HDAC9: variants seen among roughly 807,000 people sequenced by gnomAD.
HDAC9 encodes histone deacetylase 9.
HDAC9 carries 41 observed loss-of-function variants against 139.4 expected under a neutral mutation model. The ratio of observed to expected loss-of-function variants is 0.29; its 90% CI spans 0.23 to 0.38. HDAC9 has a LOEUF of 0.38. Among genes scored for constraint, HDAC9 ranks in the 10% least tolerant of loss-of-function variants. The pLI, the probability that HDAC9 is intolerant of heterozygous loss-of-function variation, is 1.00. For missense variants in HDAC9, 1,147 were observed against 1,297.0 expected (o/e 0.88, Z 1.78); for synonymous variants, 517 against 476.2 (o/e 1.09, Z -1.12).
chr7:18,767,181 TTAAA>T, intron 16 of HDAC9, 26 bp downstream of exon 16: 2 of 1,366,064 alleles, frequency 1.5e-6, no homozygotes, highest in South Asian at 2.7e-5. Flanking sequence ...TTTACTGCCT[TTAAA>T]TAACATAAAA....
intron 1 of HDAC9, among the ~76,000 whole-genome samples, chr7:18,362,978 CT>C (rs1207482176): frequency 2.0e-5 from 3 of 152,032 alleles, no homozygotes; most frequent in African/African-American, 7.2e-5. Flanking sequence ...ATTCAAATAC[CT>C]GGAGATACCA....
At chr7:18,089,344 A>G (rs1469882832) in intron 1 of HDAC9, among the ~76,000 whole-genome samples, 1 of 152,202 alleles carries the variant, frequency 6.6e-6, no homozygotes, top group Non-Finnish European at 1.5e-5. Context: ...CTTTTGTAGA[A>G]ATAATGATGG....
chr7:18,245,719 G>A (rs1054347967), intron 2 of HDAC9, among the ~76,000 whole-genome samples: 2 of 152,156 alleles, frequency 1.3e-5, no homozygotes, highest in Non-Finnish European at 2.9e-5. Context: ...ATAAGATTAA[G>A]TTAAATTCTC....
rs1786573015 is a variant in HDAC9 at position 18,998,226 on chromosome 7, A to G, written c.*2164A>G. 1.0e-5 allele frequency: 1 copy of G among 95,310 alleles called. No individual in the cohort carries two copies. Among genetic ancestry groups the G allele is most frequent in the South Asian group, 4.1e-4 (1 of 2,438 alleles). The allele number at this position is 95,310 out of a possible 1,614,324, so 5.9% of individuals were successfully genotyped here. A position where few individuals can be genotyped will look rare whatever the true frequency, so the allele number is the denominator to read the frequency against. ...TGTCATTACTTTTTAGTCCTCCCAG[A>G]TATTTTTTTAGTTGTTGAATAAGAA... On this transcript the variant is annotated 3_prime_UTR_variant, in exon 26 of 26. Coordinates refer to ENST00000686413, the MANE Select transcript of HDAC9 (RefSeq NM_178425.4).
chr7:18,117,605 T>C (rs1000936203), intron 1 of HDAC9, among the ~76,000 whole-genome samples: 4 of 151,652 alleles, frequency 2.6e-5, no homozygotes, highest in Admixed American at 2.6e-4. Context: ...AGCATTGAAT[T>C]GATGCATTGG....
chr7:18,919,806 TA>T (rs1803527373), intron 22 of HDAC9, among the ~76,000 whole-genome samples: 1 of 152,052 alleles, frequency 6.6e-6, no homozygotes. Flanking sequence ...TGTTGACTAC[TA>T]AAAAGTAATA....
intron 2 of HDAC9, among the ~76,000 whole-genome samples, chr7:18,529,049 C>G (rs1275430821): frequency 6.6e-6 from 1 of 152,022 alleles, no homozygotes; most frequent in South Asian, 2.1e-4. Context: ...AAACATTTGT[C>G]TGGGTATTAA....
intron 17 of HDAC9, among the ~76,000 whole-genome samples, chr7:18,811,371 A>G (rs1209445478): frequency 6.6e-6 from 1 of 151,814 alleles, no homozygotes; most frequent in Non-Finnish European, 1.5e-5. Context: ...CCAATACAGC[A>G]TTTATTGCTA....
In HDAC9 at chr7:18,695,457, T is replaced by C. The variant is rs77656442; in HGVS notation, c.1731+28981T>C. ...CACAGTCCATGTTGACTCAACATTT[T>C]TGGAGATTGATTTGAAAGAGTAGAA... On this transcript the variant is annotated intron_variant, in intron 12 of 25. Coordinates refer to ENST00000686413, the MANE Select transcript of HDAC9 (RefSeq NM_178425.4). Among the ~76,000 whole-genome samples the C allele has an allele frequency of 3.6e-3, 542 of 152,250 alleles. 6 individuals are homozygous for C. Among genetic ancestry groups the C allele is most frequent in the African/African-American group, 0.013 (522 of 41,540 alleles).
intron 1 of HDAC9, among the ~76,000 whole-genome samples, chr7:18,139,282 C>T (rs1037873007): frequency 6.6e-6 from 1 of 151,824 alleles, no homozygotes; most frequent in African/African-American, 2.4e-5. Context: ...TGTGTCACCA[C>T]GACTGGCTAA....
At chr7:18,178,599 A>G (rs1056571831) in intron 2 of HDAC9, among the ~76,000 whole-genome samples, 4 of 152,174 alleles carry the variant, frequency 2.6e-5, no homozygotes, top group Admixed American at 2.0e-4. Context: ...ATGCTTATAA[A>G]CCACCTCTCT....
chr7:18,673,029 T>C (rs1286232688), intron 12 of HDAC9, among the ~76,000 whole-genome samples: 1 of 152,060 alleles, frequency 6.6e-6, no homozygotes, highest in Non-Finnish European at 1.5e-5. Flanking sequence ...CCTTTTTTTC[T>C]GGTGCTCTTT....
chr7:18,314,980 G>T (rs1449356392), intron 1 of HDAC9, among the ~76,000 whole-genome samples: 3 of 152,134 alleles, frequency 2.0e-5, no homozygotes, highest in Non-Finnish European at 4.4e-5. Flanking sequence ...TGTCTTCAAT[G>T]GTTCGCAGCA....
At chr7:18,450,330 T>C (rs1792699893) in intron 1 of HDAC9, among the ~76,000 whole-genome samples, 1 of 152,230 alleles carries the variant, frequency 6.6e-6, no homozygotes, top group Non-Finnish European at 1.5e-5. Context: ...CTCTTTGATA[T>C]TTATTCACCA....
chr7:18,551,560 G>T (rs1817147885), intron 2 of HDAC9, among the ~76,000 whole-genome samples: 2 of 152,110 alleles, frequency 1.3e-5, no homozygotes, highest in African/African-American at 2.4e-5. Flanking sequence ...GCCAAAAGAA[G>T]AATAAGTATC....
rs528916567 is a variant in HDAC9, at chr7:18,716,990, CTTTTT to C, written c.1732-10572_1732-10568del. Among the ~76,000 whole-genome samples the C allele has an allele frequency of 8.6e-3, 995 of 115,178 alleles. 7 individuals carry two copies. Among genetic ancestry groups the C allele is most frequent in the African/African-American group, 0.031 (948 of 30,616 alleles). The allele number at this position is 115,178 out of a possible 152,430, so 75.6% of individuals were successfully genotyped here. On this transcript the variant is annotated intron_variant, in intron 12 of 25. Transcript: ENST00000686413. ...TGCAAAATTTTACCTCTCGTTAGCA[CTTTTT>C]TTTTTTTTTTTTTTTTTGGTATTTT...
intron 13 of HDAC9, among the ~76,000 whole-genome samples, chr7:18,746,259 G>A (rs968161125): frequency 5.3e-5 from 8 of 151,992 alleles, no homozygotes; most frequent in African/African-American, 1.4e-4. Context: ...AACTATAGTT[G>A]AAAAAAATGT....
At chr7:18,902,553 T>C (rs1323906944) in intron 22 of HDAC9, among the ~76,000 whole-genome samples, 2 of 152,158 alleles carry the variant, frequency 1.3e-5, no homozygotes, top group Admixed American at 6.5e-5. Context: ...TAAAGCAGTT[T>C]TGAGAACCCC....
chr7:18,774,755 G>A (rs111647747), intron 16 of HDAC9, among the ~76,000 whole-genome samples: 2 of 152,116 alleles, frequency 1.3e-5, no homozygotes, highest in African/African-American at 4.8e-5. Flanking sequence ...CAGCAGTAAG[G>A]CTATTTCACT....
Sources: allele counts gnomAD v4.1 joint callset (sites outside exome capture counted in the v4.1 genomes callset), GRCh38; gene constraint gnomAD v4.1.1; transcripts MANE v1.5; gene names NCBI Gene and HGNC (gene_info 2026-07-23, HGNC 2026-07-21).